DLG2: variants seen among roughly 807,000 people sequenced by gnomAD.
The protein encoded by DLG2 is disks large homolog 2.
In DLG2, 45 loss-of-function variants were observed where a neutral mutation model predicts 132.5. The observed-to-expected ratio is 0.34, with a 90% CI of 0.27 to 0.44. The LOEUF is 0.44. DLG2 is among the 20% of genes least tolerant of loss of function. DLG2 has a pLI of 1.00. For synonymous variants in DLG2, 424 were observed against 419.6 expected (o/e 1.01, Z -0.13); for missense variants, 1,045 against 1,196.9 (o/e 0.87, Z 1.87).
chr11:84,220,775 C>CTTCTCTTTTTT (rs2096901915), intron 8 of DLG2, among the ~76,000 whole-genome samples: 1 of 112,300 alleles, frequency 8.9e-6, no homozygotes, highest in African/African-American at 3.3e-5. Flanking sequence ...TTTTCTTTTT[C>CTTCTCTTTTTT]TTTTCTTTTT....
intron 6 of DLG2, among the ~76,000 whole-genome samples, chr11:84,929,567 T>C (rs893290132): frequency 4.6e-5 from 7 of 152,120 alleles, no homozygotes; most frequent in African/African-American, 1.7e-4. Flanking sequence ...AAAGCAGCAC[T>C]GCTATCAGTG....
intron 6 of DLG2, among the ~76,000 whole-genome samples, chr11:84,764,434 G>A (rs964837261): frequency 4.6e-5 from 7 of 152,092 alleles, no homozygotes; most frequent in Non-Finnish European, 8.8e-5. Context: ...ACCTAACAAT[G>A]ATAGTTAACA....
At chr11:85,589,611 C>T (rs567454970) in intron 3 of DLG2, among the ~76,000 whole-genome samples, 35 of 152,174 alleles carry the variant, frequency 2.3e-4, no homozygotes, top group African/African-American at 8.2e-4. Context: ...GCCTCTGTTG[C>T]CAGGAAAGTG....
At chr11:84,158,815 T>A (rs952245070) in intron 9 of DLG2, among the ~76,000 whole-genome samples, 1 of 152,228 alleles carries the variant, frequency 6.6e-6, no homozygotes, top group Non-Finnish European at 1.5e-5. Context: ...TGGAATGCTA[T>A]GTCTTTAATA....
intron 6 of DLG2, among the ~76,000 whole-genome samples, chr11:85,012,707 C>G (rs1256377241): frequency 1.3e-5 from 2 of 151,748 alleles, no homozygotes; most frequent in African/African-American, 2.4e-5. Flanking sequence ...TATTAAAATA[C>G]CATAGAAAGA....
intron 20 of DLG2, among the ~76,000 whole-genome samples, chr11:83,536,475 C>T (rs966800724): frequency 6.6e-6 from 1 of 152,006 alleles, no homozygotes; most frequent in African/African-American, 2.4e-5. Flanking sequence ...CAGCCCTTTC[C>T]TCTCTCCTAG....
At chr11:83,917,600 G>A (rs1423673200) in intron 15 of DLG2, among the ~76,000 whole-genome samples, 2 of 152,302 alleles carry the variant, frequency 1.3e-5, no homozygotes, top group South Asian at 4.1e-4. Flanking sequence ...AAGAGAACAA[G>A]GATGAAATCT....
chr11:84,975,161 C>A (rs1330177781), intron 6 of DLG2, among the ~76,000 whole-genome samples: 1 of 152,112 alleles, frequency 6.6e-6, no homozygotes, highest in Non-Finnish European at 1.5e-5. Flanking sequence ...GGGTATCAAC[C>A]TAAATGCCTT....
intron 18 of DLG2, among the ~76,000 whole-genome samples, chr11:83,745,663 G>T (rs181782380): frequency 6.6e-6 from 1 of 152,056 alleles, no homozygotes; most frequent in East Asian, 1.9e-4. Context: ...TTAGCCTGGC[G>T]TGGTGGCATG....
At chr11:83,480,136 T>G (rs768600343) in intron 22 of DLG2, among the ~76,000 whole-genome samples, 1 of 152,076 alleles carries the variant, frequency 6.6e-6, no homozygotes, top group East Asian at 1.9e-4. Flanking sequence ...CCAACTGAGG[T>G]TGGAATTGTT....
At position 83,966,617 on chromosome 11, in the gene DLG2, T is replaced by TA; in HGVS notation, c.1057-1150dup. Among the ~76,000 whole-genome samples the TA allele has an allele frequency of 2.0e-5, 3 of 152,142 alleles. No homozygotes were observed. In the South Asian group the frequency reaches 6.2e-4, roughly 31 times the overall value. On this transcript the variant is annotated intron_variant, in intron 12 of 27. Transcript: ENST00000376104. Reference sequence around the variant, plus strand: ...AGGTTATCCGTATCTGGCTACTATATAAAAAAATAAATTTTGTTGTGTATA... The same window carrying TA: ...AGGTTATCCGTATCTGGCTACTATATAAAAAAAATAAATTTTGTTGTGTATA...
intron 7 of DLG2, among the ~76,000 whole-genome samples, chr11:84,446,231 A>C (rs898887195): frequency 6.6e-6 from 1 of 152,000 alleles, no homozygotes; most frequent in East Asian, 1.9e-4. Context: ...TAGACATTCT[A>C]TATATATTTT....
chr11:84,103,725 A>G (rs1193635206), intron 9 of DLG2, among the ~76,000 whole-genome samples: 1 of 152,190 alleles, frequency 6.6e-6, no homozygotes, highest in Non-Finnish European at 1.5e-5. Flanking sequence ...AAAAGGAAAG[A>G]CATTTCACAA....
intron 6 of DLG2, among the ~76,000 whole-genome samples, chr11:84,604,542 G>A (rs1370771023): frequency 6.6e-6 from 1 of 151,944 alleles, no homozygotes; most frequent in African/African-American, 2.4e-5. Flanking sequence ...TGAGGCTACT[G>A]TCATTCAGGC....
intron 7 of DLG2, among the ~76,000 whole-genome samples, chr11:84,263,066 T>C (rs1305094075): frequency 6.6e-6 from 1 of 152,152 alleles, no homozygotes; most frequent in African/African-American, 2.4e-5. Flanking sequence ...CAGGAGATCT[T>C]AGTTTCAGAC....
intron 5 of DLG2, among the ~76,000 whole-genome samples, chr11:85,150,792 G>A (rs891576703): frequency 1.3e-5 from 2 of 149,860 alleles, no homozygotes; most frequent in South Asian, 2.1e-4. Flanking sequence ...GGACATTTGG[G>A]TTGCTTCCAC....
intron 18 of DLG2, among the ~76,000 whole-genome samples, chr11:83,721,463 A>G (rs574247802): frequency 6.6e-6 from 1 of 152,184 alleles, no homozygotes; most frequent in Non-Finnish European, 1.5e-5. Flanking sequence ...ACACATGCGC[A>G]TCATCATCAG....
chr11:83,530,111 TATCTATCC>T (rs1229576624), intron 21 of DLG2, among the ~76,000 whole-genome samples: 3 of 151,996 alleles, frequency 2.0e-5, no homozygotes, highest in Admixed American at 6.6e-5. Flanking sequence ...TCTATCTATC[TATCTATCC>T]ATCTATCTCA....
intron 6 of DLG2, chr11:84,720,177 C>G (rs149272750): frequency 1.2e-6 from 1 of 808,020 alleles, no homozygotes; most frequent in Non-Finnish European, 1.5e-6. Context: ...CCAGAAAGAG[C>G]AGAGCAGTCG....
Sources: allele counts gnomAD v4.1 joint callset (sites outside exome capture counted in the v4.1 genomes callset), GRCh38; gene constraint gnomAD v4.1.1; transcripts MANE v1.5; gene names NCBI Gene and HGNC (gene_info 2026-07-23, HGNC 2026-07-21).